Variants in LCAT observed in about 807,000 individuals in gnomAD.
The protein encoded by LCAT is phosphatidylcholine-sterol acyltransferase.
In LCAT, 15 loss-of-function variants were observed where a neutral mutation model predicts 41.0. The observed-to-expected ratio is 0.37, with a 90% CI of 0.24 to 0.56. The LOEUF is 0.56. Ranked by LOEUF, LCAT falls within the 20% of genes least tolerant of loss-of-function variation. LCAT has a pLI of 0.81. For missense variants in LCAT, 449 were observed against 595.1 expected (o/e 0.75, Z 2.55); for synonymous variants, 248 against 245.4 (o/e 1.01, Z -0.10).
rs769067928 is a variant in LCAT, at chr16:67,943,148, C to T, written c.219G>A (p.Met73Ile). The T allele has an allele frequency of 1.4e-5, 22 of 1,613,974 alleles. No individual in the cohort carries two copies. In the East Asian group the frequency reaches 4.9e-4, roughly 36 times the overall value. The change falls in exon 2 of 6, where the codon ATG becomes ATA. Residue 73 changes from methionine to isoleucine, a missense_variant. Met to Ile is a conservative substitution (Grantham distance 10). Transcript: ENST00000264005. The surrounding 1 kb of genome is among the most constrained non-coding windows in gnomAD (Gnocchi z 4.6). ...AGAAGTCCTCTGTCTTGCGGTAGCA[C>T]ATCCAGTTCACCACATCTGGTTTGT... is the stretch of plus-strand genomic sequence containing the variant. Reference protein sequence around the residue: ...KLDKPDVVNWMCYRKTEDFFT... With the variant: ...KLDKPDVVNWICYRKTEDFFT...
rs151178077 is a variant in LCAT at position 67,942,882 on chromosome 16, G to A, written c.406C>T (p.Leu136=). Residue 136 remains leucine (L), a synonymous_variant, in exon 3 of 6, where the codon CTG becomes TTG. Transcript: ENST00000264005. This position sits in a 1 kb window ranked among gnomAD's most constrained non-coding sequence, Gnocchi z 6.6. ...GFGKTYSVEY[L]DSSKLAGYLH... is the part of the protein sequence containing the mutation. The stretch of plus-strand genomic sequence containing the variant: ...AAACCTGCCAGCTTGCTGCTGTCCA[G>A]GTACTCCACAGAGTAGGTCTTGCCA... The A allele has an allele frequency of 1.7e-5, 28 of 1,613,734 alleles. No individual in the cohort carries two copies. In the African/African-American group the frequency reaches 3.6e-4, roughly 21 times the overall value.
In LCAT at chr16:67,943,246, T is replaced by A. The variant is rs1331967082; in HGVS notation, c.155-34A>T. On this transcript the variant is annotated intron_variant, in intron 1 of 5. Transcript: ENST00000264005. The surrounding 1 kb of genome is among the most constrained non-coding windows in gnomAD (Gnocchi z 4.6). ...AGCAGCCCTCACTCTGGACTCTGGATTCCCCCCGTGACCCTTACCCCCGTC... is the reference window on the plus strand; with the variant it reads ...AGCAGCCCTCACTCTGGACTCTGGAATCCCCCCGTGACCCTTACCCCCGTC... 16 of 1,609,164 alleles carry A rather than the reference T, an allele frequency of 9.9e-6. No homozygotes were observed. In the African/African-American group the frequency reaches 1.1e-4, roughly 11 times the overall value.
Position 67,940,008 on chromosome 16 carries a change from T to C in LCAT, c.1219A>G (p.Ser407Gly). The change falls in exon 6 of 6, where the codon AGC (serine) becomes GGC (glycine). Residue 407 changes from serine to glycine, a missense_variant. Transcript: ENST00000264005. ...TTGATGTGCTCCAGGGTCAGGTTGC[T>C]GAAGACCATGTTGAGATGCTGTATC... ...HGIQHLNMVF[S>G]NLTLEHINAI... is the part of the protein sequence containing the mutation. 1 of 1,613,640 alleles carries C rather than the reference T, an allele frequency of 6.2e-7. No homozygotes were observed. The highest frequency in any genetic ancestry group is 1.1e-5 in the South Asian group (1 of 91,088).
chr16:67,943,363 C>T lies in LCAT; in HGVS notation c.155-151G>A, dbSNP rs1487575084. Reference sequence around the variant, plus strand: ...CACACTTACCCTCCCCTGCTTACACCCCCTCTCCCTGCTGTCCCCCCAGTA... The same window carrying T: ...CACACTTACCCTCCCCTGCTTACACTCCCTCTCCCTGCTGTCCCCCCAGTA... On this transcript the variant is annotated intron_variant, in intron 1 of 5. Coordinates refer to ENST00000264005, the MANE Select transcript of LCAT (RefSeq NM_000229.2). This position sits in a 1 kb window ranked among gnomAD's most constrained non-coding sequence, Gnocchi z 4.6. 6.9e-6 allele frequency: 5 copies of T among 727,162 alleles called. No homozygotes were observed. The highest frequency in any genetic ancestry group is 1.6e-5 in the South Asian group (1 of 63,320). 45.0% of individuals were successfully genotyped at this position (727,162 alleles called of 1,614,324 possible).
At position 67,944,118 on chromosome 16, in the gene LCAT, A is replaced by G; in HGVS notation, c.-17T>C. On this transcript the variant is annotated 5_prime_UTR_variant, in exon 1 of 6. Coordinates refer to ENST00000264005, the MANE Select transcript of LCAT (RefSeq NM_000229.2). This position sits in a 1 kb window ranked among gnomAD's most constrained non-coding sequence, Gnocchi z 6.6. The stretch of plus-strand genomic sequence containing the variant: ...CGGCCCCATTCCAGCCCTGGTGCCT[A>G]CTGCCAGAGAAAGCGGCACTGGGCT... 1 of 1,546,538 alleles carries G rather than the reference A, an allele frequency of 6.5e-7. No homozygotes were observed. The highest frequency in any genetic ancestry group is 8.7e-7 in the Non-Finnish European group (1 of 1,145,394).
Position 67,943,099 on chromosome 16 carries a change from T to C in LCAT, c.268A>G (p.Met90Val), listed in dbSNP as rs765059218. 2 of 1,613,980 alleles carry C rather than the reference T, an allele frequency of 1.2e-6. No individual in the cohort carries two copies. Among genetic ancestry groups the C allele is most frequent in the Admixed American group, 1.7e-5 (1 of 60,006 alleles). Residue 90 changes from methionine to valine, a missense_variant, in exon 2 of 6, where the codon ATG becomes GTG. Met to Val is a conservative substitution (Grantham distance 21). Transcript: ENST00000264005. The surrounding 1 kb of genome is among the most constrained non-coding windows in gnomAD (Gnocchi z 4.6). ...CAGTCTACCCCAAGGGGTAGGAACA[T>C]GTTGAGATCCAGCCAGATGGTGAAG... ...DFFTIWLDLNMFLPLGVDCWI... is the reference protein window; with the variant it reads ...DFFTIWLDLNVFLPLGVDCWI...
chr16:67,942,013 A>C lies in LCAT; in HGVS notation c.748+350T>G, dbSNP rs1487539939. The stretch of plus-strand genomic sequence containing the variant: ...CCCTAGCTCTGGCAGATCCATCCTC[A>C]GTGAAGCACATCCCTGGGCAAAGGC... On this transcript the variant is annotated intron_variant, in intron 5 of 5. Coordinates refer to ENST00000264005, the MANE Select transcript of LCAT (RefSeq NM_000229.2). The surrounding 1 kb of genome is among the most constrained non-coding windows in gnomAD (Gnocchi z 6.6). The C allele has an allele frequency of 8.2e-7, 1 of 1,218,278 alleles. No homozygotes were observed. Among genetic ancestry groups the C allele is most frequent in the African/African-American group, 1.6e-5 (1 of 63,722 alleles). The allele number at this position is 1,218,278 out of a possible 1,614,324, so 75.5% of individuals were successfully genotyped here.
rs1339205046 is a variant in LCAT, at chr16:67,943,752, G to C, written c.154+196C>G. Reference sequence around the variant, plus strand: ...TCCGCCCCCCCTGGGTTAGACAACTGAGAGTCACAGTGTGGTGGGAGAAGG... The same window carrying C: ...TCCGCCCCCCCTGGGTTAGACAACTCAGAGTCACAGTGTGGTGGGAGAAGG... On this transcript the variant is annotated intron_variant, in intron 1 of 5. Transcript: ENST00000264005. This position sits in a 1 kb window ranked among gnomAD's most constrained non-coding sequence, Gnocchi z 4.6. The C allele has an allele frequency of 9.9e-6, 6 of 604,112 alleles. No individual in the cohort carries two copies. The East Asian group carries it at 1.7e-4, about 17-fold the overall frequency. The allele number at this position is 604,112 out of a possible 1,614,324, so 37.4% of individuals were successfully genotyped here. A position where few individuals can be genotyped will look rare whatever the true frequency, so the allele number is the denominator to read the frequency against.
Position 67,943,499 on chromosome 16 carries a change from A to G in LCAT, c.155-287T>C, listed in dbSNP as rs2058305527. The G allele has an allele frequency of 1.9e-6, 1 of 524,062 alleles. No individual in the cohort carries two copies. Among genetic ancestry groups the G allele is most frequent in the Non-Finnish European group, 3.5e-6 (1 of 288,154 alleles). 32.5% of individuals were successfully genotyped at this position (524,062 alleles called of 1,614,324 possible). A position where few individuals can be genotyped will look rare whatever the true frequency, so the allele number is the denominator to read the frequency against. On this transcript the variant is annotated intron_variant, in intron 1 of 5. Transcript: ENST00000264005. This position sits in a 1 kb window ranked among gnomAD's most constrained non-coding sequence, Gnocchi z 4.6. ...CCCAGTCTGGCGCTCCTTTATTGCC[A>G]AAGTCCAAGGTGGGAACAGATAGGT...
rs946682218 is a variant in LCAT at position 67,943,650 on chromosome 16, C to T, written c.154+298G>A. ...CAAGGAAGGAGTGGTGGGGCTTGGC[C>T]CAGAGTCTGGTGTGGCTGTGACTGA... On this transcript the variant is annotated intron_variant, in intron 1 of 5. Transcript: ENST00000264005. This position sits in a 1 kb window ranked among gnomAD's most constrained non-coding sequence, Gnocchi z 4.6. 1.1e-5 allele frequency: 6 copies of T among 529,658 alleles called. No homozygotes were observed. Among genetic ancestry groups the T allele is most frequent in the Non-Finnish European group, 2.0e-5 (6 of 294,434 alleles). 32.8% of individuals were successfully genotyped at this position (529,658 alleles called of 1,614,324 possible).
Position 67,940,041 on chromosome 16 carries a change from G to C in LCAT, c.1186C>G (p.Leu396Val), listed in dbSNP as rs1203369682. Residue 396 changes from leucine to valine, a missense_variant, in exon 6 of 6, where the codon CTG (leucine) becomes GTG (valine). Physicochemically the swap from Leu to Val is conservative, Grantham distance 32. Transcript: ENST00000264005. The stretch of plus-strand genomic sequence containing the variant: ...ATGTTGAGATGCTGTATCCCGTGCA[G>C]GGGCAGCAGGTGCACAGGCTGTGGC... ...RQPQPVHLLP[L>V]HGIQHLNMVF... 4 of 1,613,438 alleles carry C rather than the reference G, an allele frequency of 2.5e-6. No individual in the cohort carries two copies. Among genetic ancestry groups the C allele is most frequent in the South Asian group, 2.2e-5 (2 of 91,090 alleles).
rs78870340 is a variant in LCAT at position 67,942,047 on chromosome 16, G to A, written c.748+316C>T. 5.5e-5 allele frequency: 70 copies of A among 1,269,828 alleles called. No individual in the cohort carries two copies. The East Asian group carries it at 2.3e-3, about 41-fold the overall frequency. 78.7% of individuals were successfully genotyped at this position (1,269,828 alleles called of 1,614,324 possible). On this transcript the variant is annotated intron_variant, in intron 5 of 5. Coordinates refer to ENST00000264005, the MANE Select transcript of LCAT (RefSeq NM_000229.2). The surrounding 1 kb of genome is among the most constrained non-coding windows in gnomAD (Gnocchi z 6.6). ...CATCCCTGGGCAAAGGCACTCCTGC[G>A]AGCAAGTGGAAGGCAGGCAAGGGCT... is the stretch of plus-strand genomic sequence containing the variant.
rs537040908 is a variant in LCAT, at chr16:67,941,976, C to T, written c.748+387G>A. The stretch of plus-strand genomic sequence containing the variant: ...CCCTAGGGAAGAGCAGGTGGGGCCT[C>T]GGGGGGTCTGGCCCTAGCTCTGGCA... On this transcript the variant is annotated intron_variant, in intron 5 of 5. Coordinates refer to ENST00000264005, the MANE Select transcript of LCAT (RefSeq NM_000229.2). 2,574 of 1,194,234 alleles carry T rather than the reference C, an allele frequency of 2.2e-3. 5 individuals are homozygous for T. Among genetic ancestry groups the T allele is most frequent in the Non-Finnish European group, 2.6e-3 (2,459 of 946,774 alleles). The allele number at this position is 1,194,234 out of a possible 1,614,324, so 74.0% of individuals were successfully genotyped here. A position where few individuals can be genotyped will look rare whatever the true frequency, so the allele number is the denominator to read the frequency against.
At position 67,943,822 on chromosome 16, in the gene LCAT, C is replaced by G; in HGVS notation, c.154+126G>C. On this transcript the variant is annotated intron_variant, in intron 1 of 5. Transcript: ENST00000264005. The surrounding 1 kb of genome is among the most constrained non-coding windows in gnomAD (Gnocchi z 4.6). Reference sequence around the variant, plus strand: ...ACAAGCTTTTGGCCCCTCCCCACACCAGGGCAGGTACTTATGTCGGGGCTT... The same window carrying G: ...ACAAGCTTTTGGCCCCTCCCCACACGAGGGCAGGTACTTATGTCGGGGCTT... 1 of 906,180 alleles carries G rather than the reference C, an allele frequency of 1.1e-6. No individual in the cohort carries two copies. Among genetic ancestry groups the G allele is most frequent in the South Asian group, 1.8e-5 (1 of 54,556 alleles). 56.1% of individuals were successfully genotyped at this position (906,180 alleles called of 1,614,324 possible).
chr16:67,940,064 G>A lies in LCAT; in HGVS notation c.1163C>T (p.Pro388Leu), dbSNP rs2058284056. ...ELCGLWQGRQ[P>L]QPVHLLPLHG... ...CAGGGGCAGCAGGTGCACAGGCTGT[G>A]GCTGGCGGCCCTGCCACAGGCCACA... Residue 388 changes from proline to leucine, a missense_variant, in exon 6 of 6, where the codon CCA (proline) becomes CTA (leucine). Transcript: ENST00000264005. 2 of 1,612,828 alleles carry A rather than the reference G, an allele frequency of 1.2e-6. No individual in the cohort carries two copies. The highest frequency in any genetic ancestry group is 1.7e-6 in the Non-Finnish European group (2 of 1,179,916).
At position 67,942,683 on chromosome 16, in the gene LCAT, G is replaced by A; in HGVS notation, c.511C>T (p.Arg171Trp). The A allele has an allele frequency of 1.2e-6, 2 of 1,612,882 alleles. No individual in the cohort carries two copies. The highest frequency in any genetic ancestry group is 1.7e-6 in the Non-Finnish European group (2 of 1,179,952). ...CAGAGACACTCACCGGGCTCCAGCC[G>A]CCAGTCATAGGGGGCGGCGCGCACA... ...ETVRAAPYDWRLEPGQQEEYY... is the reference protein window; with the variant it reads ...ETVRAAPYDWWLEPGQQEEYY... The change falls in exon 4 of 6, where the codon CGG becomes TGG. Residue 171 changes from arginine (R) to tryptophan (W), a missense_variant. By Grantham distance (101) the Arg-to-Trp change is moderately radical. Coordinates refer to ENST00000264005, the MANE Select transcript of LCAT (RefSeq NM_000229.2). The surrounding 1 kb of genome is among the most constrained non-coding windows in gnomAD (Gnocchi z 6.6).
chr16:67,940,219 GTA>G lies in LCAT; in HGVS notation c.1006_1007del (p.Tyr336LeufsTer30). The stretch of plus-strand genomic sequence containing the variant: ...TGGGCAGGCCCACGCCGTAAAGACA[GTA>G]TACTTCCACACCAGGTGCTGGGAGT... ...AGLPAPGVEV[Y>X]CLYGVGLPTP... On this transcript the variant is annotated frameshift_variant, in exon 6 of 6. Coordinates refer to ENST00000264005, the MANE Select transcript of LCAT (RefSeq NM_000229.2). LOFTEE classifies it high-confidence loss of function. 6.2e-7 allele frequency: 1 copy of G among 1,613,300 alleles called. No homozygotes were observed. The highest frequency in any genetic ancestry group is 8.5e-7 in the Non-Finnish European group (1 of 1,180,004).
At chr16:67,940,959 C>G (rs1014450166) in intron 5 of LCAT, 1 of 186,614 alleles carries the variant, frequency 5.4e-6, no homozygotes, top group Non-Finnish European at 1.1e-5. Context: ...AAACTATGAT[C>G]GCACCACTGC....
In LCAT at chr16:67,943,650, C is replaced by A; in HGVS notation, c.154+298G>T. Reference sequence around the variant, plus strand: ...CAAGGAAGGAGTGGTGGGGCTTGGCCCAGAGTCTGGTGTGGCTGTGACTGA... The same window carrying A: ...CAAGGAAGGAGTGGTGGGGCTTGGCACAGAGTCTGGTGTGGCTGTGACTGA... On this transcript the variant is annotated intron_variant, in intron 1 of 5. Transcript: ENST00000264005. This position sits in a 1 kb window ranked among gnomAD's most constrained non-coding sequence, Gnocchi z 4.6. The A allele has an allele frequency of 1.9e-6, 1 of 529,774 alleles. No homozygotes were observed. Among genetic ancestry groups the A allele is most frequent in the Non-Finnish European group, 3.4e-6 (1 of 294,426 alleles). 32.8% of individuals were successfully genotyped at this position (529,774 alleles called of 1,614,324 possible). A position where few individuals can be genotyped will look rare whatever the true frequency, so the allele number is the denominator to read the frequency against.
Sources: allele counts gnomAD v4.1 joint callset, GRCh38; gene constraint gnomAD v4.1.1; non-coding constraint Gnocchi (gnomAD v3.1); transcripts MANE v1.5; gene names NCBI Gene and HGNC (gene_info 2026-07-23, HGNC 2026-07-21).